The following DZIP1 variants were observed in gnomAD, a reference collection of about 807,000 sequenced individuals.
DZIP1 encodes the protein cilium assembly protein DZIP1.
In DZIP1, 97 loss-of-function variants were observed where a neutral mutation model predicts 107.6. The observed-to-expected ratio is 0.90, with a 90% confidence interval of 0.77 to 1.07. The LOEUF (loss-of-function observed/expected upper bound fraction) is 1.07. Ranked by LOEUF, DZIP1 falls within the 50% of genes least tolerant of loss-of-function variation. DZIP1 has a pLI of 0.00. For synonymous variants in DZIP1, 390 were observed against 386.4 expected, an observed-to-expected ratio of 1.01 and a Z score of -0.11; for missense variants, 1,035 against 1,063.6, an observed-to-expected ratio of 0.97 and a Z score of 0.37.
chr13:95,600,824 GA>G (rs755425493), intron 14 of DZIP1, among the ~76,000 whole-genome samples: 1 of 152,172 alleles, frequency 6.6e-6, no homozygotes, highest in Non-Finnish European at 1.5e-5. Context: ...TAGCCATGAA[GA>G]AGCATTTAAG....
At chr13:95,635,403 G>C (rs1877682336) in intron 5 of DZIP1, among the ~76,000 whole-genome samples, 1 of 152,002 alleles carries the variant, frequency 6.6e-6, no homozygotes, top group Admixed American at 6.5e-5. Context: ...CACCATGTTG[G>C]CCAGGCTGGG....
intron 11 of DZIP1, 70 bp from the exon 12 acceptor site, chr13:95,611,563 C>G: frequency 8.2e-7 from 1 of 1,222,160 alleles, no homozygotes; most frequent in Admixed American, 1.8e-5. Flanking sequence ...GGATAATGGA[C>G]AGATAATGTT....
chr13:95,611,532 T>C, intron 11 of DZIP1, 39 bp from the exon 12 acceptor site: 1 of 1,476,736 alleles, frequency 6.8e-7, no homozygotes, highest in Non-Finnish European at 9.5e-7. Flanking sequence ...ACATTTGAAA[T>C]TAGATAGGGA....
intron 16 of DZIP1, among the ~76,000 whole-genome samples, chr13:95,593,695 T>C (rs2044370441): frequency 6.6e-6 from 1 of 152,262 alleles, no homozygotes; most frequent in Non-Finnish European, 1.5e-5. Flanking sequence ...ACTGTCAAGA[T>C]ACTAATGTCA....
rs1182496757 is a variant in DZIP1 at position 95,579,945 on chromosome 13, TCTGTTAGTAAC to T, written c.*2278_*2288del. 2.0e-5 allele frequency: 3 copies of T among 152,052 alleles called. No homozygotes were observed. The highest frequency in any genetic ancestry group is 4.4e-5 in the Non-Finnish European group (3 of 68,006). 9.4% of individuals were successfully genotyped at this position (152,052 alleles called of 1,614,324 possible). On this transcript the variant is annotated 3_prime_UTR_variant, in exon 23 of 23. Transcript: ENST00000376829. ...ATTTAGGGAGGGTGGGGGATGAAGG[TCTGTTAGTAAC>T]CAGAAACACATTAGTTGGGCATCAG...
intron 17 of DZIP1, 146 bp from the exon 18 acceptor site, chr13:95,590,078 T>G (rs2044271779): frequency 8.0e-7 from 1 of 1,244,628 alleles, no homozygotes; most frequent in Non-Finnish European, 1.1e-6. Context: ...AGGGTTGTTG[T>G]TTTGTTTTTA....
intron 3 of DZIP1, 130 bp from the exon 4 acceptor site, chr13:95,642,371 T>G: frequency 3.7e-6 from 1 of 271,850 alleles, no homozygotes; most frequent in Non-Finnish European, 6.8e-6. Flanking sequence ...ACACTCCATG[T>G]CCCTAAGGCA....
chr13:95,639,515 C>A (rs1439852685), intron 5 of DZIP1, among the ~76,000 whole-genome samples: 2 of 146,380 alleles, frequency 1.4e-5, no homozygotes, highest in Non-Finnish European at 3.0e-5. Context: ...CGCTTGAACG[C>A]GGGAGAAGGA....
chr13:95,615,814 G>A (rs953877206), intron 10 of DZIP1, among the ~76,000 whole-genome samples: 38 of 152,210 alleles, frequency 2.5e-4, no homozygotes, highest in African/African-American at 8.7e-4. Context: ...CACAGCATCT[G>A]TCTAAGCCCC....
chr13:95,600,287 C>A (rs1019706354), intron 14 of DZIP1, among the ~76,000 whole-genome samples: 1 of 152,058 alleles, frequency 6.6e-6, no homozygotes, highest in Non-Finnish European at 1.5e-5. Context: ...GTTCACTCAC[C>A]TTCATCTTGG....
Position 95,589,973 on chromosome 13 carries a change from G to T in DZIP1, c.1844-41C>A, listed in dbSNP as rs201071679. 804 of 1,600,722 alleles carry T rather than the reference G, an allele frequency of 5.0e-4. 12 individuals are homozygous for T. In the South Asian group the frequency reaches 8.5e-3, roughly 17 times the overall value. ...ATTCATGAGTCTCCATTACCTTTAT[G>T]ATCAGTAAGTGAAAAGCAAAGGTAA... On this transcript the variant is annotated intron_variant, in intron 17 of 22. Coordinates refer to ENST00000376829, the MANE Select transcript of DZIP1 (RefSeq NM_198968.4).
intron 8 of DZIP1, among the ~76,000 whole-genome samples, chr13:95,624,448 G>T (rs1876293173): frequency 6.6e-6 from 1 of 152,172 alleles, no homozygotes; most frequent in African/African-American, 2.4e-5. Context: ...CTGGACAATG[G>T]AAAGTTCCAA....
chr13:95,608,775 A>G (rs914644970), intron 13 of DZIP1, among the ~76,000 whole-genome samples: 9 of 152,262 alleles, frequency 5.9e-5, no homozygotes, highest in African/African-American at 2.2e-4. Flanking sequence ...TCCTTTGGTC[A>G]CTACACAGTG....
chr13:95,611,521 T>TACATTTGAA, intron 11 of DZIP1, 28 bp from the exon 12 acceptor site: 1 of 1,566,090 alleles, frequency 6.4e-7, no homozygotes, highest in Non-Finnish European at 8.8e-7. Flanking sequence ...CTTCTAGTGA[T>TACATTTGAA]ACATTTGAAA....
chr13:95,621,670 GT>G (rs2139256325), intron 9 of DZIP1, among the ~76,000 whole-genome samples: 1 of 76,416 alleles, frequency 1.3e-5, no homozygotes, highest in African/African-American at 1.3e-4. Context: ...TTAGCAGTGT[GT>G]GTGTGTGTGT....
chr13:95,584,447 G>A, intron 22 of DZIP1: 1 of 358,488 alleles, frequency 2.8e-6, no homozygotes, highest in Non-Finnish European at 3.9e-6. Context: ...AGTGAGCCAT[G>A]ATGGCCTGGG....
At chr13:95,615,127 T>C (rs1378938975) in intron 10 of DZIP1, among the ~76,000 whole-genome samples, 1 of 152,126 alleles carries the variant, frequency 6.6e-6, no homozygotes, top group African/African-American at 2.4e-5. Flanking sequence ...ACATACCTAG[T>C]ATGTGAGGCA....
Position 95,624,773 on chromosome 13 carries a change from C to T in DZIP1, c.967G>A (p.Glu323Lys). 3 of 1,595,560 alleles carry T rather than the reference C, an allele frequency of 1.9e-6. No homozygotes were observed. Among genetic ancestry groups the T allele is most frequent in the Non-Finnish European group, 2.6e-6 (3 of 1,168,084 alleles). The change falls in exon 8 of 23, where the codon GAA becomes AAA. Residue 323 changes from glutamate to lysine, a missense_variant. Physicochemically the swap from Glu to Lys is moderately conservative, Grantham distance 56. Transcript: ENST00000376829. ...CTTCTAGGTTTAATACTTACATATT[C>T]TAATGCTGAATTCTTCGAAGTTAAT... ...KELTSKNSAL[E>K]YQLSEIQKSN... is the part of the protein sequence containing the mutation.
chr13:95,629,129 T>C (rs1458541378), intron 7 of DZIP1, among the ~76,000 whole-genome samples: 1 of 152,228 alleles, frequency 6.6e-6, no homozygotes, highest in African/African-American at 2.4e-5. Context: ...ACACTTGCTG[T>C]CCCCATGGGG....
Sources: gnomAD v4.1 joint callset for allele counts (sites outside exome capture counted in the v4.1 genomes callset) on GRCh38, gnomAD v4.1.1 for gene constraint, MANE v1.5 for transcripts, NCBI Gene and HGNC (gene_info 2026-07-23, HGNC 2026-07-21) for gene names.